SYT14: variants seen among roughly 807,000 people sequenced by gnomAD.
SYT14 encodes the protein synaptotagmin-14.
A neutral mutation model predicts 74.2 loss-of-function variants in SYT14; 32 were observed. The observed-to-expected ratio is 0.43, with a 90% confidence interval of 0.33 to 0.58. SYT14 has a LOEUF of 0.58. Ranked by LOEUF, SYT14 falls within the 20% of genes least tolerant of loss-of-function variation. The probability of loss-of-function intolerance (pLI) is 0.05; values close to 1 mark genes in which losing one functional copy is unlikely to be tolerated. For missense variants in SYT14, 791 were observed against 981.8 expected (o/e 0.81, Z 2.60); for synonymous variants, 298 against 337.7 (o/e 0.88, Z 1.29).
At chr1:209,966,564 G>A (rs779332073) in intron 2 of SYT14, among the ~76,000 whole-genome samples, 27 of 152,074 alleles carry the variant, frequency 1.8e-4, no homozygotes, top group Non-Finnish European at 3.5e-4. Context: ...CATTTGATCA[G>A]ATATATCCCT....
At chr1:209,979,163 G>A (rs146123802) in intron 2 of SYT14, among the ~76,000 whole-genome samples, 8 of 152,262 alleles carry the variant, frequency 5.3e-5, no homozygotes, top group South Asian at 2.1e-4. Flanking sequence ...TGGGTGAGGC[G>A]ATGCCTCGCC....
chr1:209,997,600 G>A (rs2079821971), intron 2 of SYT14, among the ~76,000 whole-genome samples: 1 of 151,930 alleles, frequency 6.6e-6, no homozygotes, highest in East Asian at 1.9e-4. Context: ...ATTCTTCACA[G>A]AATTAAAAAA....
In SYT14 at chr1:210,088,420, A is replaced by G. The variant is rs748004745; in HGVS notation, c.1313-5902A>G. Among the ~76,000 whole-genome samples the G allele has an allele frequency of 1.2e-4, 18 of 151,990 alleles. 1 individual carries two copies. In the East Asian group the frequency reaches 1.4e-3, roughly 11 times the overall value. On this transcript the variant is annotated intron_variant, in intron 5 of 9. Coordinates refer to ENST00000637265, the Ensembl canonical transcript of SYT14. ...TGTGCCCATATGTTCTCATTGTTCA[A>G]TTCCCACTTATGAGTGAGAACATGC...
intron 2 of SYT14, among the ~76,000 whole-genome samples, chr1:209,988,537 C>T (rs1053334031): frequency 2.6e-5 from 4 of 152,148 alleles, no homozygotes; most frequent in East Asian, 1.9e-4. Flanking sequence ...TAGATCTAAT[C>T]GTGATTAGTT....
At chr1:210,037,808 A>G (rs1198484723) in intron 5 of SYT14, among the ~76,000 whole-genome samples, 1 of 152,038 alleles carries the variant, frequency 6.6e-6, no homozygotes, top group Non-Finnish European at 1.5e-5. Context: ...GATATTTGAT[A>G]TGATTTTGAT....
intron 5 of SYT14, among the ~76,000 whole-genome samples, chr1:210,022,697 T>G (rs919413914): frequency 7.2e-5 from 11 of 152,252 alleles, no homozygotes; most frequent in Admixed American, 5.2e-4. Flanking sequence ...ATATATGTGG[T>G]ACAGTTTTTA....
chr1:210,103,310 G>C (rs943586284), intron 7 of SYT14, among the ~76,000 whole-genome samples: 2 of 151,930 alleles, frequency 1.3e-5, no homozygotes, highest in Non-Finnish European at 2.9e-5. Flanking sequence ...CAACACTTTG[G>C]GAGGCCGAGG....
At chr1:209,938,560 C>T (rs1249448799) in intron 1 of SYT14, among the ~76,000 whole-genome samples, 1 of 152,036 alleles carries the variant, frequency 6.6e-6, no homozygotes, top group African/African-American at 2.4e-5. Flanking sequence ...GGTACAGCGT[C>T]CGGGCCGCCG....
chr1:209,962,271 TA>T (rs1325321281), intron 2 of SYT14, among the ~76,000 whole-genome samples: 6 of 148,354 alleles, frequency 4.0e-5, no homozygotes, highest in Non-Finnish European at 8.9e-5. Context: ...ATCTTTTTTT[TA>T]TATATATATA....
intron 2 of SYT14, among the ~76,000 whole-genome samples, chr1:209,981,318 A>C (rs540122984): frequency 2.6e-5 from 4 of 152,162 alleles, no homozygotes; most frequent in African/African-American, 9.6e-5. Context: ...ATTTGGTGGT[A>C]ATGAATTTTC....
In SYT14 at chr1:209,970,495, G is replaced by A. The variant is rs1055218820; in HGVS notation, c.-486+17739G>A. Among the ~76,000 whole-genome samples the A allele has an allele frequency of 1.2e-4, 18 of 152,066 alleles. No homozygotes were observed. The East Asian group carries it at 3.5e-3, about 29-fold the overall frequency. Reference sequence around the variant, plus strand: ...ACCATTTAGTTTAAAGTCAGGTAATGTGATGCATCCAGCTTTATTCTTTTT... The same window carrying A: ...ACCATTTAGTTTAAAGTCAGGTAATATGATGCATCCAGCTTTATTCTTTTT... On this transcript the variant is annotated intron_variant, in intron 2 of 9. Transcript: ENST00000637265.
At chr1:210,151,124 T>C (rs1384118401) in intron 7 of SYT14, among the ~76,000 whole-genome samples, 2 of 152,172 alleles carry the variant, frequency 1.3e-5, no homozygotes, top group Non-Finnish European at 2.9e-5. Flanking sequence ...AAGTAAAATA[T>C]TATGCAAGAT....
At chr1:210,139,125 C>G (rs922482987) in intron 7 of SYT14, among the ~76,000 whole-genome samples, 20 of 148,240 alleles carry the variant, frequency 1.3e-4, no homozygotes, top group Non-Finnish European at 2.8e-4. Context: ...CTTGCTCTGT[C>G]ACCTAGGCTG....
chr1:210,142,654 GC>G (rs1385650053), intron 7 of SYT14, among the ~76,000 whole-genome samples: 2 of 152,084 alleles, frequency 1.3e-5, no homozygotes, highest in African/African-American at 2.4e-5. Context: ...AAGATACAAG[GC>G]CAAAAGTTCA....
chr1:210,145,707 C>T (rs542582107), intron 7 of SYT14, among the ~76,000 whole-genome samples: 36 of 152,270 alleles, frequency 2.4e-4, no homozygotes, highest in African/African-American at 4.8e-4. Flanking sequence ...ACACATGCCA[C>T]TCCAGACCAG....
rs559397536 is a variant in SYT14 at position 209,979,293 on chromosome 1, C to T, written c.-486+26537C>T. Among the ~76,000 whole-genome samples the T allele has an allele frequency of 3.9e-5, 6 of 152,272 alleles. No homozygotes were observed. In the East Asian group the frequency reaches 5.8e-4, roughly 15 times the overall value. On this transcript the variant is annotated intron_variant, in intron 2 of 9. Coordinates refer to ENST00000637265, the Ensembl canonical transcript of SYT14. ...TGCAGAAATCACCTGTCTTCTGCGT[C>T]GCTCACACTGGGAGCTCTAGACTGG...
At chr1:210,105,648 T>A (rs529381450) in intron 7 of SYT14, among the ~76,000 whole-genome samples, 1 of 152,288 alleles carries the variant, frequency 6.6e-6, no homozygotes, top group Non-Finnish European at 1.5e-5. Flanking sequence ...GGTAATATAG[T>A]TTGGATTTCC....
chr1:210,099,340 G>T (rs1029863954), intron 6 of SYT14, among the ~76,000 whole-genome samples: 2 of 152,072 alleles, frequency 1.3e-5, no homozygotes, highest in African/African-American at 4.8e-5. Flanking sequence ...CTTTTAAAAT[G>T]TGTGTTCTGC....
At chr1:209,941,617 G>T (rs1353228310) in intron 1 of SYT14, among the ~76,000 whole-genome samples, 2 of 152,070 alleles carry the variant, frequency 1.3e-5, no homozygotes, top group Non-Finnish European at 2.9e-5. Flanking sequence ...TTCCATTCTT[G>T]ACCCTGTTGC....
Sources: allele counts gnomAD v4.1 joint callset (sites outside exome capture counted in the v4.1 genomes callset), GRCh38; gene constraint gnomAD v4.1.1; transcripts MANE v1.5; gene names NCBI Gene and HGNC (gene_info 2026-07-23, HGNC 2026-07-21).